SOX5: variants seen among roughly 807,000 people sequenced by gnomAD.
The protein encoded by SOX5 is SRY-box transcription factor 5, also known as transcription factor SOX-5.
In SOX5, 9 loss-of-function variants were observed where a neutral mutation model predicts 92.0. That is an observed-to-expected ratio of 0.10 (90% confidence interval 0.06 to 0.17). The LOEUF is 0.17. Among genes scored for constraint, SOX5 ranks in the 10% least tolerant of loss-of-function variants. SOX5 has a pLI of 1.00. For synonymous variants in SOX5, 344 were observed against 336.3 expected, an observed-to-expected ratio of 1.02 and a Z score of -0.25; for missense variants, 642 against 944.5, an observed-to-expected ratio of 0.68 and a Z score of 4.20.
At chr12:24,155,741 G>T (rs565053289) in intron 4 of SOX5, among the ~76,000 whole-genome samples, 2 of 152,278 alleles carry the variant, frequency 1.3e-5, no homozygotes, top group Admixed American at 1.3e-4. Flanking sequence ...TAGTTGAGCT[G>T]TGCTAACGAA....
chr12:23,575,587 T>C, intron 10 of SOX5, 74 bp downstream of exon 10: 1 of 1,386,966 alleles, frequency 7.2e-7, no homozygotes, highest in Non-Finnish European at 1.0e-6. Context: ...GTGGGTGTGA[T>C]GTGCCATTTA....
intron 4 of SOX5, among the ~76,000 whole-genome samples, chr12:24,176,224 G>A (rs1954793505): frequency 6.6e-6 from 1 of 152,058 alleles, no homozygotes; most frequent in Non-Finnish European, 1.5e-5. Context: ...TGATACTTGG[G>A]AGGCTGAGGT....
At chr12:24,539,842 C>T (rs184547797) in intron 1 of SOX5, among the ~76,000 whole-genome samples, 149 of 152,076 alleles carry the variant, frequency 9.8e-4, no homozygotes, top group Admixed American at 7.9e-4. Context: ...ACTGAATGAC[C>T]GCAGAGTTCT....
intron 4 of SOX5, among the ~76,000 whole-genome samples, chr12:23,993,912 TATGC>T (rs1209945179): frequency 2.7e-5 from 4 of 148,336 alleles, no homozygotes; most frequent in East Asian, 2.0e-4. Context: ...TGTATGTATG[TATGC>T]ATGTATGCAT....
Position 23,538,440 on chromosome 12 carries a change from T to C in SOX5, c.1772-1771A>G, listed in dbSNP as rs564318419. Among the ~76,000 whole-genome samples the C allele has an allele frequency of 7.2e-5, 11 of 152,360 alleles. No individual in the cohort carries two copies. The East Asian group carries it at 9.6e-4, about 13-fold the overall frequency. Reference sequence around the variant, plus strand: ...TTCCTTTCGTAAACTTCTGTTTAAATAGCATCATCCAACATTAGGTTGGTT... The same window carrying C: ...TTCCTTTCGTAAACTTCTGTTTAAACAGCATCATCCAACATTAGGTTGGTT... On this transcript the variant is annotated intron_variant, in intron 13 of 14. Transcript: ENST00000451604.
At chr12:23,661,909 A>G (rs952705022) in intron 7 of SOX5, among the ~76,000 whole-genome samples, 1 of 152,184 alleles carries the variant, frequency 6.6e-6, no homozygotes, top group African/African-American at 2.4e-5. Context: ...CCACAAATAT[A>G]ATTAAGAATT....
chr12:23,599,501 A>G (rs1335550234), intron 9 of SOX5, among the ~76,000 whole-genome samples: 1 of 152,250 alleles, frequency 6.6e-6, no homozygotes, highest in Non-Finnish European at 1.5e-5. Flanking sequence ...CAAGGTTAAA[A>G]GAAAAGCACC....
At chr12:23,981,286 T>C (rs1472287891) in intron 4 of SOX5, among the ~76,000 whole-genome samples, 3 of 152,160 alleles carry the variant, frequency 2.0e-5, no homozygotes, top group Non-Finnish European at 4.4e-5. Context: ...ACAGCCCTAG[T>C]TTACAGAATT....
intron 2 of SOX5, among the ~76,000 whole-genome samples, chr12:23,895,470 G>T (rs981990319): frequency 6.6e-6 from 1 of 151,962 alleles, no homozygotes; most frequent in Admixed American, 6.6e-5. Context: ...ATTAGAAAAA[G>T]TATGACACCA....
intron 4 of SOX5, among the ~76,000 whole-genome samples, chr12:24,200,965 C>T (rs1452159586): frequency 2.0e-5 from 3 of 152,170 alleles, no homozygotes; most frequent in Non-Finnish European, 2.9e-5. Flanking sequence ...TGACGTCCTC[C>T]ACTGGTACCA....
intron 4 of SOX5, among the ~76,000 whole-genome samples, chr12:24,065,253 A>C (rs1308825733): frequency 6.6e-6 from 1 of 151,998 alleles, no homozygotes; most frequent in Non-Finnish European, 1.5e-5. Context: ...GTGCCCTCCT[A>C]CTCCTCAAAG....
intron 4 of SOX5, among the ~76,000 whole-genome samples, chr12:24,015,130 C>A (rs770921616): frequency 6.6e-6 from 1 of 151,450 alleles, no homozygotes; most frequent in Non-Finnish European, 1.5e-5. Context: ...CCCTTTTTTC[C>A]CCCTCTAAAC....
chr12:23,536,255 T>C (rs1217344195), intron 14 of SOX5, among the ~76,000 whole-genome samples, 198 bp downstream of exon 14: 1 of 152,198 alleles, frequency 6.6e-6, no homozygotes, highest in Non-Finnish European at 1.5e-5. Context: ...ACAAATCTCA[T>C]GGTAGAGCTA....
intron 6 of SOX5, among the ~76,000 whole-genome samples, chr12:23,687,550 C>T (rs1359576124): frequency 1.3e-5 from 2 of 151,996 alleles, no homozygotes; most frequent in South Asian, 2.1e-4. Context: ...TTAAATATAT[C>T]TAAACCCTTA....
intron 1 of SOX5, among the ~76,000 whole-genome samples, chr12:24,541,085 C>T (rs10505941): frequency 0.099 from 15,064 of 152,202 alleles, 930 homozygotes; most frequent in Non-Finnish European, 0.14. Context: ...CTTTTCTCTC[C>T]TATAAACAGT....
chr12:23,772,078 G>T (rs2094952638), intron 3 of SOX5, among the ~76,000 whole-genome samples: 1 of 152,042 alleles, frequency 6.6e-6, no homozygotes, highest in South Asian at 2.1e-4. Flanking sequence ...ATACTAAGTG[G>T]TTACCATGGA....
intron 4 of SOX5, among the ~76,000 whole-genome samples, chr12:23,976,863 T>C (rs1948983886): frequency 6.6e-6 from 1 of 151,828 alleles, no homozygotes; most frequent in Non-Finnish European, 1.5e-5. Flanking sequence ...ATAAAACAAC[T>C]AGTAAAACCT....
chr12:24,507,761 T>G (rs1948935510), intron 1 of SOX5, among the ~76,000 whole-genome samples: 2 of 152,160 alleles, frequency 1.3e-5, no homozygotes. Flanking sequence ...TATCTTGAAT[T>G]TGCTTTAAAA....
At chr12:23,676,370 A>AT (rs1315851239) in intron 6 of SOX5, among the ~76,000 whole-genome samples, 2 of 152,150 alleles carry the variant, frequency 1.3e-5, no homozygotes, top group Admixed American at 6.5e-5. Flanking sequence ...ATAACTGAAT[A>AT]TTTTTTATCC....
Sources: allele counts gnomAD v4.1 joint callset (sites outside exome capture counted in the v4.1 genomes callset), GRCh38; gene constraint gnomAD v4.1.1; transcripts MANE v1.5; gene names NCBI Gene and HGNC (gene_info 2026-07-23, HGNC 2026-07-21).